Variants in IMPA2 observed in about 807,000 individuals in gnomAD.
IMPA2 encodes the protein IMP 2.
Under a neutral mutation model 35.1 loss-of-function variants are expected in IMPA2, and 32 were observed. That is an observed-to-expected ratio of 0.91 (90% CI 0.69 to 1.23). The LOEUF is 1.23. Ranked by LOEUF, IMPA2 falls within the 50% of genes most tolerant of loss-of-function variation. The probability of loss-of-function intolerance (pLI) is 0.00; values close to 1 mark genes in which losing one functional copy is unlikely to be tolerated. For synonymous variants in IMPA2, 135 were observed against 160.6 expected, an observed-to-expected ratio of 0.84 and a Z score of 1.20; for missense variants, 334 against 387.6, an observed-to-expected ratio of 0.86 and a Z score of 1.16.
rs182048107 is a variant in IMPA2 at position 12,006,939 on chromosome 18, G to A, written c.231-2944G>A. Among the ~76,000 whole-genome samples, 5 of 152,260 alleles carry A rather than the reference G, an allele frequency of 3.3e-5. No homozygotes were observed. In the East Asian group the frequency reaches 9.7e-4, roughly 29 times the overall value. ...GAGATCAGGAGTTCAAGACCAGCCC[G>A]GCCAGCATGGTGAAACCCCATCTCT... On this transcript the variant is annotated intron_variant, in intron 2 of 7. Transcript: ENST00000269159.
chr18:12,014,223 G>A (rs776346683), intron 4 of IMPA2, 42 bp from the exon 5 acceptor site: 2 of 1,393,368 alleles, frequency 1.4e-6, no homozygotes, highest in Non-Finnish European at 2.0e-6. Flanking sequence ...CATCAAACGA[G>A]TGAACCATCT....
At chr18:11,983,528 C>T (rs180713951) in intron 1 of IMPA2, among the ~76,000 whole-genome samples, 247 of 152,242 alleles carry the variant, frequency 1.6e-3, no homozygotes, top group Non-Finnish European at 1.6e-3. Flanking sequence ...AACAAATGTG[C>T]ATAAAGAGCT....
chr18:12,024,603 C>T (rs912178138), intron 5 of IMPA2, among the ~76,000 whole-genome samples: 6 of 152,194 alleles, frequency 3.9e-5, no homozygotes, highest in Admixed American at 2.6e-4. Context: ...TCCCCCATGG[C>T]CTCCTCTGGG....
At chr18:12,029,784 G>A (rs923606163) in intron 7 of IMPA2, among the ~76,000 whole-genome samples, 2 of 152,184 alleles carry the variant, frequency 1.3e-5, no homozygotes, top group South Asian at 2.1e-4. Flanking sequence ...GAAGGCTCAC[G>A]TATGTGCAAG....
chr18:11,994,677 G>T (rs1906910610), intron 1 of IMPA2: 1 of 152,308 alleles, frequency 6.6e-6, no homozygotes. Context: ...CAGCAGCCAA[G>T]GACTCTTTAT....
intron 2 of IMPA2, among the ~76,000 whole-genome samples, chr18:12,008,787 C>G (rs887736110): frequency 5.3e-5 from 8 of 152,180 alleles, no homozygotes; most frequent in African/African-American, 1.7e-4. Flanking sequence ...CCCTTCTGTG[C>G]AGGTGAATCT....
chr18:12,003,688 G>A (rs1339069806), intron 2 of IMPA2, among the ~76,000 whole-genome samples: 1 of 144,830 alleles, frequency 6.9e-6, no homozygotes, highest in Non-Finnish European at 1.5e-5. Context: ...AAAAAAAAAG[G>A]CAGCATGGTA....
At chr18:12,014,003 T>C (rs1334565585) in intron 4 of IMPA2, among the ~76,000 whole-genome samples, 5 of 152,248 alleles carry the variant, frequency 3.3e-5, no homozygotes, top group African/African-American at 1.2e-4. Flanking sequence ...TTGATTATGA[T>C]GTTAATTTTT....
At chr18:12,014,161 T>A in intron 4 of IMPA2, 104 bp from the exon 5 acceptor site, 1 of 796,232 alleles carries the variant, frequency 1.3e-6, no homozygotes. Context: ...TGTAATGTGT[T>A]ATCCTAACGC....
intron 1 of IMPA2, among the ~76,000 whole-genome samples, chr18:11,997,952 G>A (rs1907007242): frequency 6.6e-6 from 1 of 152,186 alleles, no homozygotes; most frequent in East Asian, 1.9e-4. Flanking sequence ...AGGATCGCTT[G>A]AGCCCAGGAG....
intron 5 of IMPA2, among the ~76,000 whole-genome samples, chr18:12,026,960 A>G (rs1051554076): frequency 6.6e-6 from 1 of 152,118 alleles, no homozygotes; most frequent in Non-Finnish European, 1.5e-5. Flanking sequence ...TAAGGTGTAA[A>G]ATGAGAGTTT....
chr18:12,028,530 G>C (rs1038786318), intron 6 of IMPA2: 1 of 452,074 alleles, frequency 2.2e-6, no homozygotes, highest in Non-Finnish European at 4.0e-6. Context: ...GTGAGCCCTA[G>C]CCATGTGAGA....
At chr18:12,001,478 G>A (rs1453507715) in intron 2 of IMPA2, among the ~76,000 whole-genome samples, 1 of 152,098 alleles carries the variant, frequency 6.6e-6, no homozygotes, top group Non-Finnish European at 1.5e-5. Context: ...AAGTTATTGG[G>A]GCTGTGATGT....
chr18:12,007,578 C>CTTTCT (rs150047520), intron 2 of IMPA2, among the ~76,000 whole-genome samples: 1 of 143,980 alleles, frequency 6.9e-6, no homozygotes, highest in Non-Finnish European at 1.5e-5. Context: ...TCCTTCTTTT[C>CTTTCT]TTTCTTTTCT....
chr18:12,017,643 C>T (rs930699969), intron 5 of IMPA2: 10 of 413,216 alleles, frequency 2.4e-5, no homozygotes, highest in Admixed American at 8.3e-5. Context: ...GGCTGGAGTG[C>T]GGTGGTGCAG....
At chr18:12,001,097 C>T (rs905120973) in intron 2 of IMPA2, among the ~76,000 whole-genome samples, 2 of 151,688 alleles carry the variant, frequency 1.3e-5, no homozygotes, top group South Asian at 4.2e-4. Flanking sequence ...GGTGTGGTGG[C>T]GTGGGCCTGT....
At chr18:12,029,132 T>G in intron 7 of IMPA2, 139 bp downstream of exon 7, 1 of 778,832 alleles carries the variant, frequency 1.3e-6, no homozygotes, top group Non-Finnish European at 1.9e-6. Context: ...TTTTTTTTTT[T>G]TGAGACGGGG....
rs1342426157 is a variant in IMPA2 at position 11,983,138 on chromosome 18, A to G, written c.96+1373A>G. On this transcript the variant is annotated intron_variant, in intron 1 of 7. Coordinates refer to ENST00000269159, the MANE Select transcript of IMPA2 (RefSeq NM_014214.3). ...AGACCGTAAAGAATGAATGAATTTA[A>G]GAGTGTTGCGAAACTCCACCCTTTG... Among the ~76,000 whole-genome samples, 3 of 129,468 alleles carry G rather than the reference A, an allele frequency of 2.3e-5. No homozygotes were observed. In the South Asian group the frequency reaches 1.2e-3, roughly 50 times the overall value. The allele number at this position is 129,468 out of a possible 152,430, so 84.9% of individuals were successfully genotyped here. A position where few individuals can be genotyped will look rare whatever the true frequency, so the allele number is the denominator to read the frequency against.
intron 4 of IMPA2, 193 bp downstream of exon 4, chr18:12,012,408 G>A: frequency 3.4e-6 from 2 of 594,084 alleles, no homozygotes; most frequent in Non-Finnish European, 6.0e-6. Flanking sequence ...TGTGCGGGGT[G>A]GGGCTCCGTG....
Sources: allele counts gnomAD v4.1 joint callset (sites outside exome capture counted in the v4.1 genomes callset), GRCh38; gene constraint gnomAD v4.1.1; transcripts MANE v1.5; gene names NCBI Gene and HGNC (gene_info 2026-07-23, HGNC 2026-07-21).